NFS1: variants seen among roughly 807,000 people sequenced by gnomAD.
NFS1 encodes NFS1 cysteine desulfurase.
NFS1 carries 26 observed loss-of-function variants against 57.3 expected under a neutral mutation model. The ratio of observed to expected loss-of-function variants is 0.45; its 90% CI spans 0.33 to 0.63. The LOEUF (loss-of-function observed/expected upper bound fraction) is 0.63, where lower values mean the gene tolerates loss of function less well. NFS1 is among the 20% of genes least tolerant of loss of function. The pLI is 0.02. For synonymous variants in NFS1, 209 were observed against 216.3 expected (o/e 0.97, Z 0.30); for missense variants, 505 against 605.8 (o/e 0.83, Z 1.75).
intron 12 of NFS1, among the ~76,000 whole-genome samples, chr20:35,671,618 G>A (rs1337999795): frequency 6.6e-6 from 1 of 151,804 alleles, no homozygotes; most frequent in East Asian, 2.0e-4. Flanking sequence ...GGCCAGGTGC[G>A]GTGGCTTGTG....
In NFS1 at chr20:35,668,933, C is replaced by G. The variant is rs2034608666; in HGVS notation, c.*689G>C. The G allele has an allele frequency of 6.6e-6, 1 of 152,336 alleles. No individual in the cohort carries two copies. Among genetic ancestry groups the G allele is most frequent in the East Asian group, 1.9e-4 (1 of 5,186 alleles). The allele number at this position is 152,336 out of a possible 1,614,324, so 9.4% of individuals were successfully genotyped here. A position where few individuals can be genotyped will look rare whatever the true frequency, so the allele number is the denominator to read the frequency against. On this transcript the variant is annotated 3_prime_UTR_variant, in exon 13 of 13. Transcript: ENST00000374092. The stretch of plus-strand genomic sequence containing the variant: ...CCACAATTCCCAAGTACAGCTTCCA[C>G]TTTTCCCTCAACCTCTCATAAAGTC...
At position 35,690,485 on chromosome 20, in the gene NFS1, G is replaced by A; in HGVS notation, c.489C>T (p.Cys163=). The A allele has an allele frequency of 6.2e-7, 1 of 1,614,004 alleles. No individual in the cohort carries two copies. The highest frequency in any genetic ancestry group is 8.5e-7 in the Non-Finnish European group (1 of 1,179,992). The change falls in exon 5 of 13, where the codon TGC becomes TGT. Residue 163 remains cysteine, a synonymous_variant. Transcript: ENST00000374092. ...GAAAGCCCTCAGCTTCCAGTGAACGGCAGGAGTCCAAGACACATTTGTGTT... is the reference window on the plus strand; with the variant it reads ...GAAAGCCCTCAGCTTCCAGTGAACGACAGGAGTCCAAGACACATTTGTGTT... ...QTEHKCVLDS[C]RSLEAEGFQV... is the part of the protein sequence containing the mutation.
intron 5 of NFS1, among the ~76,000 whole-genome samples, chr20:35,689,061 T>C (rs902688847): frequency 8.5e-5 from 13 of 152,156 alleles, no homozygotes; most frequent in Admixed American, 7.2e-4. Flanking sequence ...ACTACTTCTT[T>C]AGCAGGATGA....
chr20:35,692,226 T>C, intron 4 of NFS1: 1 of 266,276 alleles, frequency 3.8e-6, no homozygotes, highest in East Asian at 1.5e-4. Context: ...ATACAAAAAT[T>C]AGCGAGGTGT....
chr20:35,683,672 C>A (rs2034888444), intron 5 of NFS1, among the ~76,000 whole-genome samples: 1 of 150,390 alleles, frequency 6.6e-6, no homozygotes, highest in Non-Finnish European at 1.5e-5. Context: ...TCCCAAGCTA[C>A]TAGGGAGGCT....
Position 35,681,894 on chromosome 20 carries a change from C to A in NFS1, c.649G>T (p.Glu217Ter). Residue 217 changes from glutamate to a stop codon, truncating the protein, a stop_gained, in exon 6 of 13, where the codon GAA (glutamate) becomes TAA (stop). Transcript: ENST00000374092. LOFTEE classifies it high-confidence loss of function. ...NEIGVKQPIA[E>*]IGRICSSRKV... ...GATAAGCCATGATACTCACCTATTT[C>A]TGCAATAGGCTGCTTCACTCCAATC... is the stretch of plus-strand genomic sequence containing the variant. 6.2e-7 allele frequency: 1 copy of A among 1,602,832 alleles called. No homozygotes were observed. Among genetic ancestry groups the A allele is most frequent in the East Asian group, 2.2e-5 (1 of 44,782 alleles).
At chr20:35,692,480 G>A (rs1192251619) in intron 4 of NFS1, 12 of 134,924 alleles carry the variant, frequency 8.9e-5, no homozygotes, top group South Asian at 2.3e-4. Context: ...CAGGAGGATC[G>A]CTTGAGCTCA....
intron 4 of NFS1, 102 bp downstream of exon 4, chr20:35,696,275 G>A: frequency 7.6e-6 from 6 of 791,178 alleles, no homozygotes; most frequent in Non-Finnish European, 1.4e-5. Context: ...AATGGGGTGG[G>A]GATGGATGGC....
At chr20:35,690,016 T>C (rs1012720373) in intron 5 of NFS1, among the ~76,000 whole-genome samples, 11 of 150,956 alleles carry the variant, frequency 7.3e-5, no homozygotes, top group African/African-American at 2.7e-4. Flanking sequence ...GGAGAATCAT[T>C]AGAACCCAGG....
chr20:35,669,712 A>G, intron 12 of NFS1, 27 bp from the exon 13 acceptor site: 1 of 1,607,684 alleles, frequency 6.2e-7, no homozygotes. Context: ...GCATTAAATG[A>G]GTGAGGGCTT....
chr20:35,695,804 G>A (rs1489875737), intron 4 of NFS1, among the ~76,000 whole-genome samples: 1 of 152,104 alleles, frequency 6.6e-6, no homozygotes, highest in African/African-American at 2.4e-5. Context: ...CACTTTGGGA[G>A]GTCGAGATGG....
intron 6 of NFS1, among the ~76,000 whole-genome samples, 200 bp downstream of exon 6, chr20:35,681,688 A>ACT (rs1204369708): frequency 2.6e-5 from 4 of 151,888 alleles, no homozygotes; most frequent in African/African-American, 9.7e-5. Flanking sequence ...ACAGAGTGAT[A>ACT]CTCTGTCTCA....
At chr20:35,694,516 TTATAAC>T (rs1662760730) in intron 4 of NFS1, 1 of 152,038 alleles carries the variant, frequency 6.6e-6, no homozygotes, top group African/African-American at 2.4e-5. Flanking sequence ...TAGGACAAAA[TTATAAC>T]TATGTAAAAA....
chr20:35,675,890 A>AAAG (rs1294697180), intron 7 of NFS1: 2 of 151,466 alleles, frequency 1.3e-5, no homozygotes, highest in African/African-American at 4.9e-5. Context: ...AAAAAAAAAA[A>AAAG]AAGAAGAAGC....
chr20:35,686,418 G>A (rs2034946122), intron 5 of NFS1, among the ~76,000 whole-genome samples: 1 of 150,962 alleles, frequency 6.6e-6, no homozygotes, highest in Non-Finnish European at 1.5e-5. Context: ...ATGAAGTGAT[G>A]AAAATGTCCT....
At position 35,681,984 on chromosome 20, in the gene NFS1, A is replaced by T; in HGVS notation, c.562-3T>A. 1 of 1,562,652 alleles carries T rather than the reference A, an allele frequency of 6.4e-7. No homozygotes were observed. The highest frequency in any genetic ancestry group is 8.8e-7 in the Non-Finnish European group (1 of 1,133,498). On this transcript the variant is annotated splice_region_variant and splice_polypyrimidine_tract_variant and intron_variant, in intron 5 of 12. Transcript: ENST00000374092. ...GGCTGGATAGCAGCCTCTAGTTCCT[A>T]GGGATATGCAGGAGTAAGGTGACTA...
At chr20:35,680,601 C>T (rs2034831009) in intron 7 of NFS1, 136 bp downstream of exon 7, 2 of 652,058 alleles carry the variant, frequency 3.1e-6, no homozygotes, top group East Asian at 6.7e-5. Context: ...TGCTAAATGA[C>T]ATTTGCATTC....
At chr20:35,684,716 C>G (rs1049570132) in intron 5 of NFS1, among the ~76,000 whole-genome samples, 1 of 151,538 alleles carries the variant, frequency 6.6e-6, no homozygotes, top group African/African-American at 2.4e-5. Flanking sequence ...CACCACTGCA[C>G]TCCAGCCTGT....
chr20:35,681,051 C>T (rs2034840253), intron 6 of NFS1, among the ~76,000 whole-genome samples, 180 bp from the exon 7 acceptor site: 1 of 151,808 alleles, frequency 6.6e-6, no homozygotes, highest in Non-Finnish European at 1.5e-5. Flanking sequence ...CCCCCTTCCT[C>T]CCTCTCTGTG....
Sources: gnomAD v4.1 joint callset for allele counts (sites outside exome capture counted in the v4.1 genomes callset) on GRCh38, gnomAD v4.1.1 for gene constraint, MANE v1.5 for transcripts, NCBI Gene and HGNC (gene_info 2026-07-23, HGNC 2026-07-21) for gene names.